TGFB3: variants seen among roughly 807,000 people sequenced by gnomAD.
TGFB3 encodes transforming growth factor beta 3.
A neutral mutation model predicts 40.1 loss-of-function variants in TGFB3; 5 were observed. That is an observed-to-expected ratio of 0.12 (90% CI 0.07 to 0.26). The LOEUF is 0.26. Ranked by LOEUF, TGFB3 falls within the 10% of genes least tolerant of loss-of-function variation. The pLI is 1.00. For synonymous variants in TGFB3, 184 were observed against 205.6 expected, an observed-to-expected ratio of 0.89 and a Z score of 0.90; for missense variants, 373 against 530.1, an observed-to-expected ratio of 0.70 and a Z score of 2.91.
rs1291044911 is a variant in TGFB3 at position 75,978,796 on chromosome 14, C to T, written c.352+1746G>A. 2.0e-5 allele frequency among the ~76,000 whole-genome samples: 3 copies of T among 152,206 alleles called. No individual in the cohort carries two copies. The highest frequency in any genetic ancestry group is 4.4e-5 in the Non-Finnish European group (3 of 68,022). ...CTTGCCTCCACGTGGCTCATTCATTCTCAGCTCAGGATTCCGGGATGGGGG... is the reference window on the plus strand; with the variant it reads ...CTTGCCTCCACGTGGCTCATTCATTTTCAGCTCAGGATTCCGGGATGGGGG... On this transcript the variant is annotated intron_variant, in intron 1 of 6. Transcript: ENST00000238682. The surrounding 1 kb of genome is among the most constrained non-coding windows in gnomAD (Gnocchi z 5.0).
At position 75,978,848 on chromosome 14, in the gene TGFB3, C is replaced by G. The variant is rs534250672; in HGVS notation, c.352+1694G>C. 5.6e-4 allele frequency among the ~76,000 whole-genome samples: 86 copies of G among 152,286 alleles called. No individual in the cohort carries two copies. Among genetic ancestry groups the G allele is most frequent in the African/African-American group, 2.0e-3 (83 of 41,554 alleles). On this transcript the variant is annotated intron_variant, in intron 1 of 6. Transcript: ENST00000238682. The surrounding 1 kb of genome is among the most constrained non-coding windows in gnomAD (Gnocchi z 5.0). ...GTCCTGGTGACTCAGAATGCTTCCT[C>G]CCTTGGACTCCTCCTGCTGACCCAG... is the stretch of plus-strand genomic sequence containing the variant.
Position 75,971,493 on chromosome 14 carries a change from C to T in TGFB3, c.516+62G>A. The T allele has an allele frequency of 6.2e-7, 1 of 1,604,976 alleles. No individual in the cohort carries two copies. The highest frequency in any genetic ancestry group is 8.5e-7 in the Non-Finnish European group (1 of 1,175,136). ...GCCAAACGCTGCACCCAGTGGTGCC[C>T]TGATATGGCAAAGGAACCAGCTTTC... is the stretch of plus-strand genomic sequence containing the variant. On this transcript the variant is annotated intron_variant, in intron 2 of 6. Transcript: ENST00000238682. This position sits in a 1 kb window ranked among gnomAD's most constrained non-coding sequence, Gnocchi z 4.5.
At chr14:75,975,052 C>A (rs2035337093) in intron 1 of TGFB3, among the ~76,000 whole-genome samples, 1 of 147,372 alleles carries the variant, frequency 6.8e-6, no homozygotes, top group Admixed American at 6.8e-5. Context: ...ATAGGGAGGA[C>A]CTATCCCTAT....
At position 75,978,979 on chromosome 14, in the gene TGFB3, G is replaced by A. The variant is rs539456096; in HGVS notation, c.352+1563C>T. ...CTGATGCTTGTGGTCACTATCTCCC[G>A]CGTTGGTGGGTTCCCAGGGAGTTGG... On this transcript the variant is annotated intron_variant, in intron 1 of 6. Transcript: ENST00000238682. This position sits in a 1 kb window ranked among gnomAD's most constrained non-coding sequence, Gnocchi z 5.0. Among the ~76,000 whole-genome samples the A allele has an allele frequency of 5.3e-5, 8 of 152,224 alleles. No individual in the cohort carries two copies. In the South Asian group the frequency reaches 6.2e-4, roughly 12 times the overall value.
chr14:75,963,874 ATTTG>A (rs34331340), intron 4 of TGFB3, among the ~76,000 whole-genome samples: 164 of 151,594 alleles, frequency 1.1e-3, no homozygotes, highest in African/African-American at 3.6e-3. Flanking sequence ...CGGCTTGTTT[ATTTG>A]TTTGTTTGTT....
chr14:75,961,292 A>G (rs1036406592), intron 5 of TGFB3, among the ~76,000 whole-genome samples: 4 of 152,168 alleles, frequency 2.6e-5, no homozygotes, highest in African/African-American at 7.2e-5. Flanking sequence ...ACAGAGATAA[A>G]TGCTGCATGA....
In TGFB3 at chr14:75,958,988, C is replaced by CT; in HGVS notation, c.*198dup. On this transcript the variant is annotated 3_prime_UTR_variant, in exon 7 of 7. Transcript: ENST00000238682. ...CAGCCTTCCTCTAACCAAACCCACA[C>CT]TTTCTTTACCACCGTGATTCTCAGA... 1.5e-6 allele frequency: 1 copy of CT among 670,414 alleles called. No individual in the cohort carries two copies. The highest frequency in any genetic ancestry group is 2.6e-6 in the Non-Finnish European group (1 of 381,552). 41.5% of individuals were successfully genotyped at this position (670,414 alleles called of 1,614,324 possible).
chr14:75,965,764 G>A (rs911922526), intron 3 of TGFB3, 69 bp from the exon 4 acceptor site: 13 of 1,271,662 alleles, frequency 1.0e-5, no homozygotes, highest in Non-Finnish European at 1.5e-5. Flanking sequence ...CACCACCCAT[G>A]CAAGGGTGAG....
At chr14:75,959,483 T>C in intron 6 of TGFB3, 138 bp from the exon 7 acceptor site, 3 of 1,017,616 alleles carry the variant, frequency 2.9e-6, no homozygotes, top group East Asian at 2.6e-5. Context: ...AGAGGAACTG[T>C]TGGGGGCCGG....
At chr14:75,973,813 G>C (rs2035321408) in intron 1 of TGFB3, among the ~76,000 whole-genome samples, 2 of 152,136 alleles carry the variant, frequency 1.3e-5, no homozygotes, top group Middle Eastern at 3.2e-3. Context: ...AGGAATAAAG[G>C]GTAAGTCAGT....
In TGFB3 at chr14:75,978,219, T is replaced by C. The variant is rs1220953612; in HGVS notation, c.352+2323A>G. Among the ~76,000 whole-genome samples, 1 of 152,082 alleles carries C rather than the reference T, an allele frequency of 6.6e-6. No individual in the cohort carries two copies. Among genetic ancestry groups the C allele is most frequent in the Non-Finnish European group, 1.5e-5 (1 of 68,008 alleles). ...TGACCTCCCAGCAGAGGCTCTGGCA[T>C]TGAGACCCTGCTGTGCCCCACCACA... On this transcript the variant is annotated intron_variant, in intron 1 of 6. Transcript: ENST00000238682. This position sits in a 1 kb window ranked among gnomAD's most constrained non-coding sequence, Gnocchi z 5.0.
intron 3 of TGFB3, 87 bp from the exon 4 acceptor site, chr14:75,965,782 C>G (rs1186373876): frequency 1.8e-6 from 2 of 1,101,516 alleles, no homozygotes; most frequent in Non-Finnish European, 2.8e-6. Context: ...GAGCCAGGGC[C>G]TCTGCTCCTA....
At position 75,980,722 on chromosome 14, in the gene TGFB3, C is replaced by G; in HGVS notation, c.172G>C (p.Glu58Gln). 6.2e-7 allele frequency: 1 copy of G among 1,614,198 alleles called. No individual in the cohort carries two copies. The highest frequency in any genetic ancestry group is 2.2e-5 in the East Asian group (1 of 44,882). The change falls in exon 1 of 7, where the codon GAG becomes CAG. Residue 58 changes from glutamate to glutamine, a missense_variant. Glu to Gln is a conservative substitution (Grantham distance 29, BLOSUM62 2). Coordinates refer to ENST00000238682, the MANE Select transcript of TGFB3 (RefSeq NM_003239.5). This position sits in a 1 kb window ranked among gnomAD's most constrained non-coding sequence, Gnocchi z 4.3. ...GGGACGTGGGTCATCACCGTTGGCT[C>G]AGGGGGGCTGGTGAGCCTGAGCTTG... ...LSKLRLTSPP[E>Q]PTVMTHVPYQ...
Position 75,981,461 on chromosome 14 carries a change from G to A in TGFB3, c.-568C>T, listed in dbSNP as rs1003203778. The A allele has an allele frequency of 6.6e-5, 12 of 181,372 alleles. No individual in the cohort carries two copies. Among genetic ancestry groups the A allele is most frequent in the Admixed American group, 1.6e-4 (3 of 18,680 alleles). The allele number at this position is 181,372 out of a possible 1,614,324, so 11.2% of individuals were successfully genotyped here. A position where few individuals can be genotyped will look rare whatever the true frequency, so the allele number is the denominator to read the frequency against. ...AAAAGATCACCAGTGAGTAGGTGGG[G>A]AGAAGCAGGGCCGGGCAGTTGCTGG... On this transcript the variant is annotated 5_prime_UTR_variant, in exon 1 of 7. Coordinates refer to ENST00000238682, the MANE Select transcript of TGFB3 (RefSeq NM_003239.5). This position sits in a 1 kb window ranked among gnomAD's most constrained non-coding sequence, Gnocchi z 4.7.
intron 3 of TGFB3, among the ~76,000 whole-genome samples, chr14:75,967,105 TG>T (rs2035230022): frequency 6.6e-6 from 1 of 152,236 alleles, no homozygotes; most frequent in Admixed American, 6.5e-5. Context: ...AAGTCCAACC[TG>T]GCCCAGCAAC....
At chr14:75,963,193 T>C in intron 5 of TGFB3, 123 bp downstream of exon 5, 1 of 1,085,200 alleles carries the variant, frequency 9.2e-7, no homozygotes, top group South Asian at 1.3e-5. Flanking sequence ...GTCTTCTTCC[T>C]GGAGATGTTT....
At chr14:75,968,044 A>C (rs909455449) in intron 3 of TGFB3, among the ~76,000 whole-genome samples, 4 of 152,198 alleles carry the variant, frequency 2.6e-5, no homozygotes, top group African/African-American at 9.7e-5. Context: ...GCTGCAGACT[A>C]TATGAGCAAT....
intron 1 of TGFB3, among the ~76,000 whole-genome samples, chr14:75,977,650 C>T (rs951553057): frequency 2.0e-5 from 3 of 147,408 alleles, no homozygotes; most frequent in African/African-American, 7.5e-5. Context: ...GTATGAATCT[C>T]CCGGGCAAAA....
rs766164843 is a variant in TGFB3 at position 75,963,359 on chromosome 14, C to G, written c.883G>C (p.Gly295Arg). The stretch of plus-strand genomic sequence containing the variant: ...TCCAAAGCCCGCTTCTTCCTCTGAC[C>G]CCCCTGGCCCGGGTTGTCGAGCCGG... ...PHRLDNPGQG[G>R]QRKKRALDTN... The change falls in exon 5 of 7, where the codon GGT (glycine) becomes CGT (arginine). Residue 295 changes from glycine (G) to arginine (R), a missense_variant. Gly to Arg is a moderately radical substitution (Grantham distance 125). Transcript: ENST00000238682. 4.3e-6 allele frequency: 7 copies of G among 1,614,060 alleles called. No homozygotes were observed. The Admixed American group carries it at 1.2e-4, about 27-fold the overall frequency.
Sources: gnomAD v4.1 joint callset for allele counts (sites outside exome capture counted in the v4.1 genomes callset) on GRCh38, gnomAD v4.1.1 for gene constraint, Gnocchi (gnomAD v3.1) non-coding constraint, MANE v1.5 for transcripts, NCBI Gene and HGNC (gene_info 2026-07-23, HGNC 2026-07-21) for gene names.